Variants in BABAM2 observed in about 807,000 individuals in gnomAD.
The protein encoded by BABAM2 is BRISC and BRCA1 A complex member 2, also known as BRISC and BRCA1-A complex member 2.
A neutral mutation model predicts 54.7 loss-of-function variants in BABAM2; 31 were observed. The observed-to-expected ratio is 0.57, with a 90% CI of 0.43 to 0.77. BABAM2 has a LOEUF of 0.77. BABAM2 is among the 30% of genes least tolerant of loss of function. The pLI is 0.00. For missense variants in BABAM2, 364 were observed against 455.8 expected (o/e 0.80, Z 1.83); for synonymous variants, 167 against 162.9 (o/e 1.03, Z -0.19).
chr2:28,030,225 A>C (rs577725743), intron 5 of BABAM2, among the ~76,000 whole-genome samples: 1 of 152,294 alleles, frequency 6.6e-6, no homozygotes, highest in African/African-American at 2.4e-5. Context: ...TAGAAGTTTA[A>C]ATTCATTTCA....
chr2:28,130,881 A>G (rs996447962), intron 7 of BABAM2, among the ~76,000 whole-genome samples: 5 of 151,854 alleles, frequency 3.3e-5, no homozygotes, highest in African/African-American at 1.2e-4. Flanking sequence ...CTGGGACTAC[A>G]GGCACCAGCC....
chr2:28,003,791 A>AT (rs1673748636), intron 4 of BABAM2, among the ~76,000 whole-genome samples: 3 of 152,228 alleles, frequency 2.0e-5, no homozygotes, highest in Non-Finnish European at 4.4e-5. Context: ...TAGGGAATAA[A>AT]GACAGTAATA....
intron 6 of BABAM2, among the ~76,000 whole-genome samples, chr2:28,079,933 C>T (rs145810770): frequency 5.0e-4 from 76 of 152,068 alleles, no homozygotes; most frequent in African/African-American, 1.7e-3. Context: ...AAATATGTTA[C>T]CTAAAAAATA....
intron 2 of BABAM2, among the ~76,000 whole-genome samples, chr2:27,927,004 C>A (rs1336258642): frequency 6.6e-6 from 1 of 152,144 alleles, no homozygotes; most frequent in Non-Finnish European, 1.5e-5. Context: ...CTCTAGTCAT[C>A]TACAGTGGTA....
chr2:27,963,812 T>C (rs1670651853), intron 3 of BABAM2, among the ~76,000 whole-genome samples: 1 of 152,248 alleles, frequency 6.6e-6, no homozygotes, highest in South Asian at 2.1e-4. Flanking sequence ...TTTTTGACTC[T>C]GTTTTATTCA....
intron 4 of BABAM2, among the ~76,000 whole-genome samples, chr2:28,009,264 T>G (rs1445853053): frequency 6.6e-6 from 1 of 152,028 alleles, no homozygotes; most frequent in Non-Finnish European, 1.5e-5. Context: ...TACTGTGTCT[T>G]TTTAAGATGC....
At chr2:27,989,064 G>C (rs550099110) in intron 4 of BABAM2, among the ~76,000 whole-genome samples, 1 of 152,066 alleles carries the variant, frequency 6.6e-6, no homozygotes, top group East Asian at 1.9e-4. Flanking sequence ...CAAGAGTAAG[G>C]TGGATTCGTG....
intron 3 of BABAM2, among the ~76,000 whole-genome samples, chr2:27,961,905 T>C (rs1263713964): frequency 6.6e-6 from 1 of 151,632 alleles, no homozygotes; most frequent in Non-Finnish European, 1.5e-5. Context: ...TTTTTAAATT[T>C]TTTTTGTAGA....
chr2:28,260,458 C>A lies in BABAM2; in HGVS notation c.934+15596C>A, dbSNP rs532485778. Among the ~76,000 whole-genome samples the A allele has an allele frequency of 7.4e-5, 11 of 149,492 alleles. 1 individual carries two copies. The South Asian group carries it at 2.1e-3, about 28-fold the overall frequency. ...CTGGGATTACAGGTGCCTACCACCA[C>A]GCCCGGCTAATTTTTGTATTTTTAG... On this transcript the variant is annotated intron_variant, in intron 10 of 11. Coordinates refer to ENST00000379624, the MANE Select transcript of BABAM2 (RefSeq NM_199191.3).
chr2:28,248,207 CTTT>C (rs780563394), intron 10 of BABAM2, among the ~76,000 whole-genome samples: 5 of 54,306 alleles, frequency 9.2e-5, no homozygotes, highest in African/African-American at 2.7e-4. Flanking sequence ...TTTTCTTTTT[CTTT>C]TTTTTTTTTT....
intron 11 of BABAM2, among the ~76,000 whole-genome samples, chr2:28,306,036 T>A (rs1387992846): frequency 6.6e-6 from 1 of 152,178 alleles, no homozygotes; most frequent in African/African-American, 2.4e-5. Context: ...TAGAAAGACT[T>A]TTCTAAATAT....
intron 11 of BABAM2, chr2:28,308,365 AC>A: frequency 2.0e-6 from 1 of 490,258 alleles, no homozygotes; most frequent in Non-Finnish European, 4.0e-6. Flanking sequence ...CCCAGGAGAA[AC>A]AAGCTTGACC....
intron 6 of BABAM2, among the ~76,000 whole-genome samples, chr2:28,051,150 A>G (rs1250528563): frequency 1.3e-5 from 2 of 152,154 alleles, no homozygotes; most frequent in African/African-American, 4.8e-5. Context: ...AATGAGTAGT[A>G]CTTACTTGTT....
At chr2:28,107,662 C>T (rs1178750871) in intron 6 of BABAM2, among the ~76,000 whole-genome samples, 2 of 152,248 alleles carry the variant, frequency 1.3e-5, no homozygotes, top group Admixed American at 1.3e-4. Flanking sequence ...CGTGCCCTCT[C>T]TTGCATCCTT....
intron 6 of BABAM2, among the ~76,000 whole-genome samples, chr2:28,115,636 A>G (rs1668547639): frequency 6.6e-6 from 1 of 151,748 alleles, no homozygotes; most frequent in Non-Finnish European, 1.5e-5. Context: ...AAAAATAAAT[A>G]AATAAAAATA....
upstream of BABAM2, chr2:27,889,974 C>T (rs145056795): frequency 8.9e-5 from 30 of 337,096 alleles, 1 homozygote; most frequent in African/African-American, 5.7e-4. Flanking sequence ...TCTTTGGGGG[C>T]GCAAGTCTTT....
At chr2:27,924,717 G>A (rs574376236) in intron 2 of BABAM2, among the ~76,000 whole-genome samples, 3 of 152,126 alleles carry the variant, frequency 2.0e-5, no homozygotes, top group African/African-American at 7.2e-5. Context: ...AGAAAAACGA[G>A]CACCCTCCTC....
chr2:28,045,568 C>T (rs964791214), intron 5 of BABAM2, among the ~76,000 whole-genome samples, 157 bp from the exon 6 acceptor site: 2 of 152,092 alleles, frequency 1.3e-5, no homozygotes, highest in African/African-American at 4.8e-5. Context: ...TCTGATCCTC[C>T]CCTACTTTTC....
At chr2:27,980,826 G>A (rs989197311) in intron 3 of BABAM2, among the ~76,000 whole-genome samples, 5 of 151,844 alleles carry the variant, frequency 3.3e-5, no homozygotes, top group African/African-American at 1.2e-4. Flanking sequence ...AAGATCTAGT[G>A]TTTGGCAGCA....
Sources: allele counts gnomAD v4.1 joint callset (sites outside exome capture counted in the v4.1 genomes callset), GRCh38; gene constraint gnomAD v4.1.1; transcripts MANE v1.5; gene names NCBI Gene and HGNC (gene_info 2026-07-23, HGNC 2026-07-21).